The following TPCN2 variants were observed in gnomAD, a reference collection of about 807,000 sequenced individuals.
TPCN2 encodes two pore segment channel 2, also known as two pore channel protein 2.
A neutral mutation model predicts 111.4 loss-of-function variants in TPCN2; 92 were observed. That is an observed-to-expected ratio of 0.83 (90% CI 0.70 to 0.98). The LOEUF is 0.98. Among genes scored for constraint, TPCN2 ranks in the 50% least tolerant of loss-of-function variants. The pLI is 0.00. For missense variants in TPCN2, 995 were observed against 980.1 expected (o/e 1.02, Z -0.20); for synonymous variants, 405 against 414.5 (o/e 0.98, Z 0.28).
intron 16 of TPCN2, chr11:69,079,344 A>G (rs1035641305): frequency 5.5e-5 from 21 of 383,472 alleles, no homozygotes; most frequent in African/African-American, 4.3e-4. Flanking sequence ...AACGTCACTG[A>G]TAGACGGTGT....
rs181199741 is a variant in TPCN2 at position 69,071,940 on chromosome 11, G to T, written c.978G>T (p.Ser326=). Residue 326 remains serine (S), a synonymous_variant, in exon 11 of 25, where the codon TCG becomes TCT. Transcript: ENST00000294309. Reference sequence around the variant, plus strand: ...CTTTGCAGAAATCTCTCCAGACCTCGCTGTTTCGGAGGCGGCTGGGAACCC... The same window carrying T: ...CTTTGCAGAAATCTCTCCAGACCTCTCTGTTTCGGAGGCGGCTGGGAACCC... ...RGYLMKSLQT[S]LFRRRLGTRA... 6 of 1,613,970 alleles carry T rather than the reference G, an allele frequency of 3.7e-6. No homozygotes were observed. The highest frequency in any genetic ancestry group is 5.1e-6 in the Non-Finnish European group (6 of 1,179,956).
In TPCN2 at chr11:69,088,484, C is replaced by G. The variant is rs1856361455; in HGVS notation, c.*531C>G. 6.4e-6 allele frequency: 1 copy of G among 156,552 alleles called. No homozygotes were observed. Among genetic ancestry groups the G allele is most frequent in the Admixed American group, 6.1e-5 (1 of 16,360 alleles). The allele number at this position is 156,552 out of a possible 1,614,324, so 9.7% of individuals were successfully genotyped here. A position where few individuals can be genotyped will look rare whatever the true frequency, so the allele number is the denominator to read the frequency against. The stretch of plus-strand genomic sequence containing the variant: ...GGTTCTGATTGCCAGTTATTTTCAT[C>G]AATAAGTCTTGCAAAGAATGGGATT... On this transcript the variant is annotated 3_prime_UTR_variant, in exon 25 of 25. Transcript: ENST00000294309.
intron 4 of TPCN2, among the ~76,000 whole-genome samples, chr11:69,056,729 C>T (rs1854788660): frequency 6.6e-6 from 1 of 152,002 alleles, no homozygotes; most frequent in African/African-American, 2.4e-5. Context: ...AGACGGGTTT[C>T]ACCATGTTAG....
rs200608989 is a variant in TPCN2 at position 69,081,443 on chromosome 11, C to T, written c.1633C>T (p.Arg545Cys). Reference sequence around the variant, plus strand: ...CCTGCTGTCGCTGTGGGACATGACCCGCATGCTGAACATGCTCATCGTGTT... The same window carrying T: ...CCTGCTGTCGCTGTGGGACATGACCTGCATGCTGAACATGCTCATCGTGTT... The part of the protein sequence containing the change: ...VGLLSLWDMT[R>C]MLNMLIVFRF... Residue 545 changes from arginine to cysteine, a missense_variant, in exon 18 of 25, where the codon CGC becomes TGC. By Grantham distance (180) the Arg-to-Cys change is radical. Coordinates refer to ENST00000294309, the MANE Select transcript of TPCN2 (RefSeq NM_139075.4). The T allele has an allele frequency of 1.0e-4, 161 of 1,574,106 alleles. No homozygotes were observed. Among genetic ancestry groups the T allele is most frequent in the Non-Finnish European group, 1.3e-4 (146 of 1,159,804 alleles).
chr11:69,068,329 G>A (rs1344920347), intron 8 of TPCN2, among the ~76,000 whole-genome samples: 4 of 136,788 alleles, frequency 2.9e-5, no homozygotes, highest in African/African-American at 1.1e-4. Context: ...CTGAGTCCTA[G>A]GAAGTGACCG....
rs1285198789 is a variant in TPCN2 at position 69,084,861 on chromosome 11, C to T, written c.1762-349C>T. 4 of 949,920 alleles carry T rather than the reference C, an allele frequency of 4.2e-6. No individual in the cohort carries two copies. In the African/African-American group the frequency reaches 7.1e-5, roughly 17 times the overall value. 58.8% of individuals were successfully genotyped at this position (949,920 alleles called of 1,614,324 possible). ...GGCCCAGAAAGGGGACCAGGTTAGC[C>T]CAGGCGTGTACCCCTTCCACTCTGC... is the stretch of plus-strand genomic sequence containing the variant. On this transcript the variant is annotated intron_variant, in intron 19 of 24. Coordinates refer to ENST00000294309, the MANE Select transcript of TPCN2 (RefSeq NM_139075.4).
rs369434788 is a variant in TPCN2, at chr11:69,055,189, C to G, written c.266C>G (p.Thr89Ser). ...SNVCQRTLSFTIFLILFLAFI... is the reference protein window; with the variant it reads ...SNVCQRTLSFSIFLILFLAFI... ...CCCCTTTCCAGGACTTTGAGCTTCA[C>G]CATCTTCTTGATCCTGTTTTTGGCT... The change falls in exon 4 of 25, where the codon ACC (threonine) becomes AGC (serine). Residue 89 changes from threonine (T) to serine (S), a missense_variant. Thr to Ser is a moderately conservative substitution (Grantham distance 58). Transcript: ENST00000294309. The G allele has an allele frequency of 7.4e-6, 12 of 1,614,124 alleles. No homozygotes were observed. Among genetic ancestry groups the G allele is most frequent in the Non-Finnish European group, 1.0e-5 (12 of 1,179,992 alleles).
chr11:69,070,862 C>T (rs1565088038), intron 9 of TPCN2, among the ~76,000 whole-genome samples: 3 of 138,866 alleles, frequency 2.2e-5, no homozygotes, highest in African/African-American at 2.8e-5. Context: ...CCCTCACCAA[C>T]AGCTTCACCC....
Position 69,055,184 on chromosome 11 carries a change from C to G in TPCN2, c.261C>G (p.Ser87Arg), listed in dbSNP as rs150386880. 4.6e-5 allele frequency: 75 copies of G among 1,613,882 alleles called. No homozygotes were observed. The African/African-American group carries it at 8.7e-4, about 19-fold the overall frequency. The stretch of plus-strand genomic sequence containing the variant: ...TCTGTCCCCTTTCCAGGACTTTGAG[C>G]TTCACCATCTTCTTGATCCTGTTTT... ...YYSNVCQRTLSFTIFLILFLA... is the reference protein window; with the variant it reads ...YYSNVCQRTLRFTIFLILFLA... The change falls in exon 4 of 25, where the codon AGC (serine) becomes AGG (arginine). Residue 87 changes from serine (S) to arginine (R), a missense_variant. Transcript: ENST00000294309.
chr11:69,065,447 AGG>A (rs1280220587), intron 7 of TPCN2, among the ~76,000 whole-genome samples: 1 of 152,180 alleles, frequency 6.6e-6, no homozygotes, highest in Admixed American at 6.5e-5. Flanking sequence ...TGCCCCACGA[AGG>A]GGACCTAGGG....
rs776272833 is a variant in TPCN2, at chr11:69,078,497, G to C, written c.1246G>C (p.Glu416Gln). 1 of 1,614,096 alleles carries C rather than the reference G, an allele frequency of 6.2e-7. No individual in the cohort carries two copies. Among genetic ancestry groups the C allele is most frequent in the Non-Finnish European group, 8.5e-7 (1 of 1,180,026 alleles). The change falls in exon 14 of 25, where the codon GAG (glutamate) becomes CAG (glutamine). Residue 416 changes from glutamate to glutamine, a missense_variant. By Grantham distance (29) the Glu-to-Gln change is conservative (BLOSUM62 2). Coordinates refer to ENST00000294309, the MANE Select transcript of TPCN2 (RefSeq NM_139075.4). ...SVVKEHPPRP[E>Q]YQSPFLQSAQ... ...CCTTGCCCAGCACCCGCCGAGGCCC[G>C]AGTACCAGTCTCCGTTTCTGCAGAG...
chr11:69,066,669 G>A (rs1267595483), intron 7 of TPCN2, among the ~76,000 whole-genome samples: 1 of 152,204 alleles, frequency 6.6e-6, no homozygotes, highest in Non-Finnish European at 1.5e-5. Context: ...GCCAGCAGCT[G>A]GGATTGTGGC....
chr11:69,069,316 G>C (rs1366716266), intron 8 of TPCN2, among the ~76,000 whole-genome samples: 2 of 31,158 alleles, frequency 6.4e-5, no homozygotes, highest in South Asian at 1.2e-3. Context: ...AGTGACCGCA[G>C]TGGGAGCAGG....
chr11:69,064,317 C>T (rs11820405), intron 7 of TPCN2, among the ~76,000 whole-genome samples: 1,782 of 118,142 alleles, frequency 0.015, 39 homozygotes, highest in African/African-American at 0.05. Flanking sequence ...CCCCGCCCTT[C>T]CCCGCCAGGC....
chr11:69,084,611 G>C lies in TPCN2; in HGVS notation c.1761+595G>C, dbSNP rs1041792279. Reference sequence around the variant, plus strand: ...TCCGCGCCGTGCAGAGTGACAGGAGGCGCCCTTTGCAGGAAGCCCGGCCAC... The same window carrying C: ...TCCGCGCCGTGCAGAGTGACAGGAGCCGCCCTTTGCAGGAAGCCCGGCCAC... On this transcript the variant is annotated intron_variant, in intron 19 of 24. Transcript: ENST00000294309. 3 of 985,330 alleles carry C rather than the reference G, an allele frequency of 3.0e-6. No homozygotes were observed. The African/African-American group carries it at 5.2e-5, about 17-fold the overall frequency. The allele number at this position is 985,330 out of a possible 1,614,324, so 61.0% of individuals were successfully genotyped here. A position where few individuals can be genotyped will look rare whatever the true frequency, so the allele number is the denominator to read the frequency against.
chr11:69,056,834 T>TTTTA (rs1854795246), intron 4 of TPCN2, among the ~76,000 whole-genome samples: 2 of 150,346 alleles, frequency 1.3e-5, no homozygotes, highest in South Asian at 2.1e-4. Flanking sequence ...CCCGGCCGTC[T>TTTTA]TTTATTTATT....
intron 6 of TPCN2, 127 bp from the exon 7 acceptor site, chr11:69,063,768 C>T (rs1855129329): frequency 1.2e-6 from 1 of 825,746 alleles, no homozygotes; most frequent in East Asian, 2.7e-5. Context: ...GGGGACCCAG[C>T]TGCTGCCTGG....
chr11:69,086,110 C>T (rs2134646397), intron 22 of TPCN2, among the ~76,000 whole-genome samples, 180 bp downstream of exon 22: 2 of 152,354 alleles, frequency 1.3e-5, no homozygotes, highest in African/African-American at 4.8e-5. Flanking sequence ...CCCTGCATAG[C>T]CACATCGTGA....
chr11:69,080,148 C>T (rs1050670113), intron 17 of TPCN2, among the ~76,000 whole-genome samples: 7 of 152,230 alleles, frequency 4.6e-5, no homozygotes, highest in Admixed American at 2.0e-4. Context: ...GATGCCCTCC[C>T]GGGCGGCAGT....
Sources: allele counts gnomAD v4.1 joint callset (sites outside exome capture counted in the v4.1 genomes callset), GRCh38; gene constraint gnomAD v4.1.1; transcripts MANE v1.5; gene names NCBI Gene and HGNC (gene_info 2026-07-23, HGNC 2026-07-21).